Variants in CDKAL1 observed in about 807,000 individuals in gnomAD.
The protein encoded by CDKAL1 is threonylcarbamoyladenosine tRNA methylthiotransferase.
CDKAL1 carries 32 observed loss-of-function variants against 68.2 expected under a neutral mutation model. That is an observed-to-expected ratio of 0.47 (90% CI 0.35 to 0.63). The LOEUF (loss-of-function observed/expected upper bound fraction) is 0.63. Among genes scored for constraint, CDKAL1 ranks in the 30% least tolerant of loss-of-function variants. CDKAL1 has a pLI of 0.00. For missense variants in CDKAL1, 606 were observed against 696.7 expected, an observed-to-expected ratio of 0.87 and a Z score of 1.47; for synonymous variants, 234 against 244.3, an observed-to-expected ratio of 0.96 and a Z score of 0.39.
intron 15 of CDKAL1, among the ~76,000 whole-genome samples, chr6:21,225,969 C>G (rs1268191103): frequency 6.6e-6 from 1 of 152,102 alleles, no homozygotes; most frequent in Non-Finnish European, 1.5e-5. Context: ...CTATGATGCA[C>G]AAATACTAGC....
intron 13 of CDKAL1, among the ~76,000 whole-genome samples, chr6:21,187,734 A>ATGCTTT (rs1562101365): frequency 6.6e-6 from 1 of 152,064 alleles, no homozygotes; most frequent in Non-Finnish European, 1.5e-5. Flanking sequence ...TCTCTCTCCA[A>ATGCTTT]TGCTTTTGCT....
rs1457010074 is a variant in CDKAL1, at chr6:21,006,751, C to T, written c.1055+6379C>T. On this transcript the variant is annotated intron_variant, in intron 11 of 15. Transcript: ENST00000274695. ...TAGGATTCTGGGACTACCCCAAATT[C>T]GATTCACTGGTTTGAAGGCAACTGT... Among the ~76,000 whole-genome samples, 3 of 152,184 alleles carry T rather than the reference C, an allele frequency of 2.0e-5. No homozygotes were observed. The East Asian group carries it at 5.8e-4, about 29-fold the overall frequency.
At chr6:20,976,400 G>A (rs1765847879) in intron 10 of CDKAL1, among the ~76,000 whole-genome samples, 1 of 152,180 alleles carries the variant, frequency 6.6e-6, no homozygotes, top group African/African-American at 2.4e-5. Flanking sequence ...ACTGAAATTA[G>A]AATAAATGAA....
chr6:20,599,235 T>G (rs1416435391), intron 4 of CDKAL1: 1 of 297,354 alleles, frequency 3.4e-6, no homozygotes, highest in Non-Finnish European at 6.6e-6. Flanking sequence ...TTATCACATT[T>G]TAAAAAGTAT....
chr6:21,030,543 ATTTTCTCCAAAACCTC>A (rs1304083613), intron 11 of CDKAL1, among the ~76,000 whole-genome samples: 14 of 152,006 alleles, frequency 9.2e-5, no homozygotes, highest in African/African-American at 3.4e-4. Context: ...TTGCTCAGAG[ATTTTCTCCAAAACCTC>A]TGTTTTAGGG....
intron 4 of CDKAL1, among the ~76,000 whole-genome samples, chr6:20,576,767 T>C (rs1391922265): frequency 6.6e-6 from 1 of 152,164 alleles, no homozygotes; most frequent in Non-Finnish European, 1.5e-5. Flanking sequence ...CACTTGACTG[T>C]AGCCACCTTG....
intron 5 of CDKAL1, among the ~76,000 whole-genome samples, chr6:20,704,080 G>C (rs1771492430): frequency 6.6e-6 from 1 of 152,154 alleles, no homozygotes; most frequent in South Asian, 2.1e-4. Context: ...AGCACTGTTT[G>C]AGGCTCTGGG....
At chr6:20,654,614 CTG>C (rs1408417838) in intron 5 of CDKAL1, among the ~76,000 whole-genome samples, 2 of 152,034 alleles carry the variant, frequency 1.3e-5, no homozygotes, top group African/African-American at 2.4e-5. Context: ...CTAGAGTTGA[CTG>C]TTATTATTTT....
chr6:20,612,671 T>A (rs1258872541), intron 4 of CDKAL1, among the ~76,000 whole-genome samples: 2 of 152,176 alleles, frequency 1.3e-5, no homozygotes, highest in East Asian at 1.9e-4. Context: ...CTTGCTAATA[T>A]TTTCTTCCTT....
At chr6:20,996,254 A>G (rs1031323694) in intron 10 of CDKAL1, among the ~76,000 whole-genome samples, 2 of 152,230 alleles carry the variant, frequency 1.3e-5, no homozygotes, top group African/African-American at 4.8e-5. Context: ...CTTATCATTC[A>G]TGAGTTCACT....
chr6:20,546,007 C>T (rs1430498285), intron 2 of CDKAL1, among the ~76,000 whole-genome samples: 1 of 152,194 alleles, frequency 6.6e-6, no homozygotes, highest in East Asian at 1.9e-4. Context: ...ACATGAACTG[C>T]ATTTTGTTGT....
intron 11 of CDKAL1, among the ~76,000 whole-genome samples, chr6:21,007,504 AAAAAAGC>A: frequency 6.6e-6 from 1 of 150,548 alleles, no homozygotes; most frequent in Admixed American, 6.6e-5. Context: ...AAAAAAAAAA[AAAAAAGC>A]CCACAATGAA....
At chr6:20,994,806 A>T (rs575708716) in intron 10 of CDKAL1, among the ~76,000 whole-genome samples, 1 of 152,330 alleles carries the variant, frequency 6.6e-6, no homozygotes, top group East Asian at 1.9e-4. Flanking sequence ...ATGAGCCTTC[A>T]GCGAGTTATT....
intron 13 of CDKAL1, among the ~76,000 whole-genome samples, chr6:21,139,393 T>C (rs143382601): frequency 1.3e-5 from 2 of 152,202 alleles, no homozygotes; most frequent in Non-Finnish European, 2.9e-5. Context: ...ACAGCAGAAC[T>C]ACTAGCTACA....
At chr6:20,940,177 AAT>A (rs1581873565) in intron 9 of CDKAL1, among the ~76,000 whole-genome samples, 1 of 152,158 alleles carries the variant, frequency 6.6e-6, no homozygotes, top group African/African-American at 2.4e-5. Context: ...TATGTAATAT[AAT>A]GTTTTGAATT....
chr6:21,223,066 T>G (rs933503005), intron 15 of CDKAL1, among the ~76,000 whole-genome samples: 1 of 152,118 alleles, frequency 6.6e-6, no homozygotes, highest in African/African-American at 2.4e-5. Flanking sequence ...GCGGCTGACT[T>G]TTCTGGAATG....
intron 9 of CDKAL1, among the ~76,000 whole-genome samples, chr6:20,865,314 G>T (rs1561841725): frequency 6.6e-6 from 1 of 152,122 alleles, no homozygotes; most frequent in Non-Finnish European, 1.5e-5. Context: ...ATGATAACTG[G>T]GGTCATTTCA....
intron 7 of CDKAL1, among the ~76,000 whole-genome samples, chr6:20,766,502 G>A (rs1335653786): frequency 6.6e-6 from 1 of 152,094 alleles, no homozygotes; most frequent in African/African-American, 2.4e-5. Context: ...GTCCAGTATG[G>A]TATCCCCATC....
intron 12 of CDKAL1, among the ~76,000 whole-genome samples, chr6:21,103,660 C>G (rs1411948682): frequency 6.6e-6 from 1 of 152,124 alleles, no homozygotes; most frequent in African/African-American, 2.4e-5. Context: ...TCTCTGTGGC[C>G]TGTACTTTGG....
Sources: allele counts gnomAD v4.1 joint callset (sites outside exome capture counted in the v4.1 genomes callset), GRCh38; gene constraint gnomAD v4.1.1; transcripts MANE v1.5; gene names NCBI Gene and HGNC (gene_info 2026-07-23, HGNC 2026-07-21).